Variants in MSRB3 observed in about 807,000 individuals in gnomAD.
MSRB3 encodes the protein methionine-R-sulfoxide reductase B3.
A neutral mutation model predicts 21.0 loss-of-function variants in MSRB3; 13 were observed. That is an observed-to-expected ratio of 0.62 (90% CI 0.40 to 0.98). The LOEUF is 0.98. Among genes scored for constraint, MSRB3 ranks in the 50% least tolerant of loss-of-function variants. The pLI is 0.00. For missense variants in MSRB3, 199 were observed against 230.3 expected (o/e 0.86, Z 0.88); for synonymous variants, 87 against 88.6 (o/e 0.98, Z 0.10).
At chr12:65,335,297 G>A (rs1165646134) in intron 4 of MSRB3, among the ~76,000 whole-genome samples, 1 of 152,190 alleles carries the variant, frequency 6.6e-6, no homozygotes, top group African/African-American at 2.4e-5. Flanking sequence ...TTATTAGACA[G>A]GGTCTGTCTG....
rs1212848840 is a variant in MSRB3, at chr12:65,466,325, C to T, written c.*3003C>T. 6.6e-6 allele frequency: 1 copy of T among 152,082 alleles called. No homozygotes were observed. The highest frequency in any genetic ancestry group is 2.4e-5 in the African/African-American group (1 of 41,404). 9.4% of individuals were successfully genotyped at this position (152,082 alleles called of 1,614,324 possible). A position where few individuals can be genotyped will look rare whatever the true frequency, so the allele number is the denominator to read the frequency against. On this transcript the variant is annotated 3_prime_UTR_variant, in exon 7 of 7. Coordinates refer to ENST00000308259, the MANE Select transcript of MSRB3 (RefSeq NM_001031679.3). ...TGTCTTATGTGAAAGAAATATATTA[C>T]TAAAACGTCAGTGAGCAATAATGTC...
chr12:65,410,538 G>A (rs977011928), intron 5 of MSRB3, among the ~76,000 whole-genome samples: 10 of 152,244 alleles, frequency 6.6e-5, no homozygotes, highest in African/African-American at 2.2e-4. Context: ...CAGCTACTTG[G>A]GGGGCTGAGG....
intron 5 of MSRB3, among the ~76,000 whole-genome samples, chr12:65,439,777 A>G (rs1253193181): frequency 6.6e-6 from 1 of 151,710 alleles, no homozygotes; most frequent in Non-Finnish European, 1.5e-5. Flanking sequence ...AAAACTAATG[A>G]AACAGAAAAC....
intron 3 of MSRB3, 35 bp from the exon 4 acceptor site, chr12:65,328,491 A>G: frequency 7.0e-7 from 1 of 1,435,312 alleles, no homozygotes; most frequent in Non-Finnish European, 9.8e-7. Flanking sequence ...AATAATGCTA[A>G]CTTTAATTTT....
intron 4 of MSRB3, among the ~76,000 whole-genome samples, chr12:65,346,838 A>C (rs1876546691): frequency 6.6e-6 from 1 of 152,212 alleles, no homozygotes; most frequent in Non-Finnish European, 1.5e-5. Flanking sequence ...TTTATTAAAT[A>C]GGGAATCCTT....
chr12:65,308,025 A>G (rs1243441243), intron 1 of MSRB3, among the ~76,000 whole-genome samples: 1 of 152,202 alleles, frequency 6.6e-6, no homozygotes, highest in Non-Finnish European at 1.5e-5. Flanking sequence ...GCATGGTGTA[A>G]GGAAAGAACA....
chr12:65,411,585 AT>A (rs2136625523), intron 5 of MSRB3, among the ~76,000 whole-genome samples: 1 of 152,210 alleles, frequency 6.6e-6, no homozygotes, highest in African/African-American at 2.4e-5. Context: ...AATTCTCTTT[AT>A]AAGCTGTTTG....
intron 6 of MSRB3, among the ~76,000 whole-genome samples, chr12:65,461,374 C>G (rs1418068122): frequency 6.6e-6 from 1 of 152,184 alleles, no homozygotes; most frequent in African/African-American, 2.4e-5. Context: ...CTTGATATTA[C>G]CTAAACCTGC....
At chr12:65,410,040 G>T (rs1041216632) in intron 5 of MSRB3, among the ~76,000 whole-genome samples, 1 of 151,480 alleles carries the variant, frequency 6.6e-6, no homozygotes, top group African/African-American at 2.4e-5. Flanking sequence ...ATGATATCTG[G>T]CGTGTTGTAT....
At chr12:65,312,900 A>G (rs1874067648) in intron 2 of MSRB3, among the ~76,000 whole-genome samples, 1 of 151,660 alleles carries the variant, frequency 6.6e-6, no homozygotes, top group African/African-American at 2.4e-5. Flanking sequence ...AAACTCCTTT[A>G]TATGGGAAGA....
chr12:65,384,456 T>C (rs577581506), intron 5 of MSRB3, among the ~76,000 whole-genome samples: 5 of 152,312 alleles, frequency 3.3e-5, no homozygotes, highest in Admixed American at 1.3e-4. Context: ...AGAAAATGTT[T>C]TAATCTGTTT....
intron 5 of MSRB3, among the ~76,000 whole-genome samples, chr12:65,382,865 T>C (rs753413351): frequency 6.6e-6 from 1 of 152,042 alleles, no homozygotes; most frequent in Non-Finnish European, 1.5e-5. Flanking sequence ...CGTGTATATA[T>C]ATACATGCAT....
chr12:65,362,151 A>G (rs1284402729), intron 4 of MSRB3, among the ~76,000 whole-genome samples: 2 of 152,170 alleles, frequency 1.3e-5, no homozygotes, highest in African/African-American at 4.8e-5. Flanking sequence ...TGGAATAGAA[A>G]TGATATCAGA....
At position 65,419,245 on chromosome 12, in the gene MSRB3, A is replaced by T. The variant is rs1034140056; in HGVS notation, c.293-34483A>T. The T allele has an allele frequency of 8.3e-6, 6 of 724,048 alleles. No homozygotes were observed. In the African/African-American group the frequency reaches 1.0e-4, roughly 12 times the overall value. 44.9% of individuals were successfully genotyped at this position (724,048 alleles called of 1,614,324 possible). The stretch of plus-strand genomic sequence containing the variant: ...CAGCCCTTCTCAGTTCTTCCGAGCC[A>T]GCTCGTCATATTGGGCCCAGATGTC... On this transcript the variant is annotated intron_variant, in intron 5 of 6. Transcript: ENST00000308259.
intron 4 of MSRB3, among the ~76,000 whole-genome samples, chr12:65,330,357 T>G (rs1875331205): frequency 6.6e-6 from 1 of 152,260 alleles, no homozygotes; most frequent in African/African-American, 2.4e-5. Flanking sequence ...GGAGAGCTTT[T>G]ATTTTCCACA....
At chr12:65,390,387 TA>T (rs578160697) in intron 5 of MSRB3, among the ~76,000 whole-genome samples, 195 of 151,396 alleles carry the variant, frequency 1.3e-3, no homozygotes, top group African/African-American at 3.7e-3. Flanking sequence ...AATAACCTAA[TA>T]AAAAAAAATC....
At chr12:65,390,571 T>C (rs1181929543) in intron 5 of MSRB3, among the ~76,000 whole-genome samples, 1 of 152,218 alleles carries the variant, frequency 6.6e-6, no homozygotes, top group Non-Finnish European at 1.5e-5. Flanking sequence ...GAATATAAAT[T>C]GATGCAATCT....
chr12:65,324,775 G>T (rs1874906484), intron 2 of MSRB3, among the ~76,000 whole-genome samples: 2 of 152,196 alleles, frequency 1.3e-5, no homozygotes, highest in Non-Finnish European at 2.9e-5. Flanking sequence ...AGCATCCAAT[G>T]TTAGGAAATT....
chr12:65,383,955 G>A (rs899799366), intron 5 of MSRB3, among the ~76,000 whole-genome samples: 5 of 152,086 alleles, frequency 3.3e-5, no homozygotes, highest in South Asian at 2.1e-4. Context: ...CACTGCCCCC[G>A]GCTGAATTAT....
Sources: allele counts gnomAD v4.1 joint callset (sites outside exome capture counted in the v4.1 genomes callset), GRCh38; gene constraint gnomAD v4.1.1; transcripts MANE v1.5; gene names NCBI Gene and HGNC (gene_info 2026-07-23, HGNC 2026-07-21).